Variants in HSD17B11 observed in about 807,000 individuals in gnomAD.
HSD17B11 encodes the protein hydroxysteroid 17-beta dehydrogenase 11.
Under a neutral mutation model 27.8 loss-of-function variants are expected in HSD17B11, and 22 were observed. That is an observed-to-expected ratio of 0.79 (90% CI 0.56 to 1.13). The LOEUF (loss-of-function observed/expected upper bound fraction) is 1.13, where lower values mean the gene tolerates loss of function less well. HSD17B11 is among the 50% of genes most tolerant of loss of function. HSD17B11 has a pLI of 0.00. For missense variants in HSD17B11, 314 were observed against 351.1 expected (o/e 0.89, Z 0.84); for synonymous variants, 117 against 132.8 (o/e 0.88, Z 0.82).
At chr4:87,374,876 G>C in intron 2 of HSD17B11, 46 bp from the exon 3 acceptor site, 1 of 1,455,056 alleles carries the variant, frequency 6.9e-7, no homozygotes, top group Non-Finnish European at 9.3e-7. Flanking sequence ...AGAGGTATGA[G>C]GGTAAGTTTA....
At chr4:87,383,573 TG>T (rs1175815071) in intron 1 of HSD17B11, among the ~76,000 whole-genome samples, 1 of 152,120 alleles carries the variant, frequency 6.6e-6, no homozygotes, top group Non-Finnish European at 1.5e-5. Flanking sequence ...TTTTGGTAGC[TG>T]GCAAGATCAC....
intron 1 of HSD17B11, among the ~76,000 whole-genome samples, chr4:87,390,023 G>A (rs982366378): frequency 1.3e-5 from 2 of 151,966 alleles, no homozygotes; most frequent in African/African-American, 4.8e-5. Context: ...GCAGTGGGGC[G>A]TTTACAGCTC....
intron 5 of HSD17B11, among the ~76,000 whole-genome samples, chr4:87,346,005 A>G (rs753064033): frequency 3.3e-5 from 5 of 152,236 alleles, no homozygotes; most frequent in Non-Finnish European, 5.9e-5. Flanking sequence ...ACTACTGACC[A>G]GTATCTCTTA....
At chr4:87,372,547 CTT>C (rs1249573191) in intron 4 of HSD17B11, among the ~76,000 whole-genome samples, 160 bp downstream of exon 4, 2 of 152,108 alleles carry the variant, frequency 1.3e-5, no homozygotes, top group Non-Finnish European at 2.9e-5. Flanking sequence ...AGACAAGAGA[CTT>C]TGTGCAACTC....
At chr4:87,364,297 C>A (rs1467061386) in intron 4 of HSD17B11, among the ~76,000 whole-genome samples, 1 of 150,856 alleles carries the variant, frequency 6.6e-6, no homozygotes, top group African/African-American at 2.4e-5. Context: ...GAAAAAAAAC[C>A]CCTCTGTTTT....
chr4:87,340,670 C>G (rs1578032408), intron 5 of HSD17B11, 64 bp from the exon 6 acceptor site: 1 of 1,074,744 alleles, frequency 9.3e-7, no homozygotes, highest in Middle Eastern at 2.0e-4. Context: ...TAGTTTGGTG[C>G]TAACCAACAG....
At chr4:87,377,401 G>T (rs1262237658) in intron 2 of HSD17B11, among the ~76,000 whole-genome samples, 1 of 151,552 alleles carries the variant, frequency 6.6e-6, no homozygotes, top group African/African-American at 2.4e-5. Flanking sequence ...AGTGAGCTGA[G>T]ATTGCGCCAC....
intron 4 of HSD17B11, among the ~76,000 whole-genome samples, chr4:87,371,883 A>G (rs536484857): frequency 3.8e-4 from 58 of 152,292 alleles, no homozygotes; most frequent in Non-Finnish European, 6.8e-4. Flanking sequence ...CTGGAAGTGT[A>G]CAAACCCCTT....
chr4:87,380,863 C>CAAAAAAAAAAAA (rs561938045), intron 2 of HSD17B11, among the ~76,000 whole-genome samples: 136 of 74,728 alleles, frequency 1.8e-3, no homozygotes, highest in African/African-American at 4.9e-3. Flanking sequence ...GACTCTATCT[C>CAAAAAAAAAAAA]AAAAAAAAAA....
At chr4:87,338,360 T>G (rs1560756547) in intron 6 of HSD17B11, among the ~76,000 whole-genome samples, 1 of 151,712 alleles carries the variant, frequency 6.6e-6, no homozygotes, top group African/African-American at 2.4e-5. Flanking sequence ...AATATGTAAA[T>G]CAACATAATA....
chr4:87,386,732 C>T (rs1720329223), intron 1 of HSD17B11, among the ~76,000 whole-genome samples: 1 of 152,100 alleles, frequency 6.6e-6, no homozygotes, highest in African/African-American at 2.4e-5. Flanking sequence ...CACCCATTAC[C>T]TTGATTACTA....
intron 3 of HSD17B11, among the ~76,000 whole-genome samples, chr4:87,373,615 TG>T (rs1735763200): frequency 6.6e-6 from 1 of 151,678 alleles, no homozygotes; most frequent in East Asian, 1.9e-4. Context: ...GAGGCCAAGG[TG>T]GGAAGATCAT....
At chr4:87,358,672 T>C (rs1011276320) in intron 4 of HSD17B11, among the ~76,000 whole-genome samples, 3 of 152,190 alleles carry the variant, frequency 2.0e-5, no homozygotes, top group East Asian at 1.9e-4. Context: ...GCAATAATTA[T>C]CAGATAATCT....
At chr4:87,357,504 T>G in intron 4 of HSD17B11, 88 bp from the exon 5 acceptor site, 1 of 1,257,964 alleles carries the variant, frequency 7.9e-7, no homozygotes, top group Non-Finnish European at 1.1e-6. Flanking sequence ...TGCAGAGCAA[T>G]GTGGGCATTC....
intron 4 of HSD17B11, among the ~76,000 whole-genome samples, chr4:87,368,490 C>T (rs1374646586): frequency 2.0e-5 from 3 of 152,010 alleles, no homozygotes; most frequent in African/African-American, 4.8e-5. Context: ...GATTTTCATC[C>T]GTCTGCAACT....
At chr4:87,378,947 T>TAAA (rs1560769659) in intron 2 of HSD17B11, among the ~76,000 whole-genome samples, 1 of 22,160 alleles carries the variant, frequency 4.5e-5, no homozygotes, top group Non-Finnish European at 7.5e-5. Flanking sequence ...TATATATATA[T>TAAA]TTATATATAT....
rs57139706 is a variant in HSD17B11, at chr4:87,357,949, ATTTTTTTT to A, written c.558-541_558-534del. Among the ~76,000 whole-genome samples the A allele has an allele frequency of 3.3e-3, 264 of 80,216 alleles. 2 individuals carry two copies. The highest frequency in any genetic ancestry group is 0.011 in the East Asian group (24 of 2,118). The allele number at this position is 80,216 out of a possible 152,430, so 52.6% of individuals were successfully genotyped here. A position where few individuals can be genotyped will look rare whatever the true frequency, so the allele number is the denominator to read the frequency against. On this transcript the variant is annotated intron_variant, in intron 4 of 6. Transcript: ENST00000358290. ...TTGTAACTGAACATTCATTAGAGAA[ATTTTTTTT>A]TTTTTTTTTTTTTTTTTTTTTTGAG...
chr4:87,367,924 T>C (rs928944750), intron 4 of HSD17B11, among the ~76,000 whole-genome samples: 4 of 152,254 alleles, frequency 2.6e-5, no homozygotes, highest in African/African-American at 7.2e-5. Flanking sequence ...TTATGGAATA[T>C]ATTGCTGTTA....
At chr4:87,374,899 AT>A (rs369137917) in intron 2 of HSD17B11, 69 bp from the exon 3 acceptor site, 24,047 of 926,622 alleles carry the variant, frequency 0.026, 1 homozygote, top group East Asian at 0.064. Flanking sequence ...CACAATGGCT[AT>A]TTTTTTTTTT....
Sources: gnomAD v4.1 joint callset for allele counts (sites outside exome capture counted in the v4.1 genomes callset) on GRCh38, gnomAD v4.1.1 for gene constraint, MANE v1.5 for transcripts, NCBI Gene and HGNC (gene_info 2026-07-23, HGNC 2026-07-21) for gene names.